RTBDN: variants seen among roughly 807,000 people sequenced by gnomAD.
The protein encoded by RTBDN is retbindin.
Under a neutral mutation model 21.9 loss-of-function variants are expected in RTBDN, and 24 were observed. That is an observed-to-expected ratio of 1.10 (90% confidence interval 0.79 to 1.54). The LOEUF is 1.54. RTBDN is among the 40% of genes most tolerant of loss of function. The pLI is 0.00. For missense variants in RTBDN, 325 were observed against 315.2 expected (o/e 1.03, Z -0.23); for synonymous variants, 141 against 125.9 (o/e 1.12, Z -0.80).
At chr19:12,826,145 G>C (rs770598680) in intron 5 of RTBDN, 44 of 1,389,542 alleles carry the variant, frequency 3.2e-5, no homozygotes, top group Non-Finnish European at 4.0e-5. Flanking sequence ...ATCAGGGTTG[G>C]GGCAGTTGGG....
chr19:12,826,683 A>G, intron 5 of RTBDN, 92 bp downstream of exon 5: 3 of 990,642 alleles, frequency 3.0e-6, no homozygotes, highest in Non-Finnish European at 4.6e-6. Flanking sequence ...GACAAGAATG[A>G]AACTCCGTCT....
Position 12,830,681 on chromosome 19 carries a change from A to G in RTBDN, c.-18-684T>C. 8.1e-6 allele frequency: 8 copies of G among 985,558 alleles called. No individual in the cohort carries two copies. Among genetic ancestry groups the G allele is most frequent in the Non-Finnish European group, 9.6e-6 (8 of 830,052 alleles). The allele number at this position is 985,558 out of a possible 1,614,324, so 61.1% of individuals were successfully genotyped here. A position where few individuals can be genotyped will look rare whatever the true frequency, so the allele number is the denominator to read the frequency against. On this transcript the variant is annotated intron_variant, in intron 1 of 5. Transcript: ENST00000674343. This position sits in a 1 kb window ranked among gnomAD's most constrained non-coding sequence, Gnocchi z 4.2. ...ATCCAGTCCAGGAAACTGGCTGCTGAAAGGGGCGTGGCTTAATGCAGGGGC... is the reference window on the plus strand; with the variant it reads ...ATCCAGTCCAGGAAACTGGCTGCTGGAAGGGGCGTGGCTTAATGCAGGGGC...
Position 12,825,732 on chromosome 19 carries a change from C to T in RTBDN, c.664G>A (p.Gly222Ser), listed in dbSNP as rs374249027. 104 of 1,590,570 alleles carry T rather than the reference C, an allele frequency of 6.5e-5. No individual in the cohort carries two copies. In the African/African-American group the frequency reaches 1.2e-3, roughly 18 times the overall value. Residue 222 changes from glycine to serine, a missense_variant, in exon 6 of 6, where the codon GGC becomes AGC. Gly to Ser is a moderately conservative substitution (Grantham distance 56). Coordinates refer to ENST00000674343, the MANE Select transcript of RTBDN (RefSeq NM_001270441.2). ...SILDAAGSGSGSGSGSGP is the reference protein window; with the variant it reads ...SILDAAGSGSSSGSGSGP ...TAGGGGCCGCTGCCGCTTCCACTGC[C>T]ACTCCCGCTGCCCGCAGCGTCCAGG... is the stretch of plus-strand genomic sequence containing the variant.
chr19:12,827,704 A>T (rs1969370030), intron 4 of RTBDN, among the ~76,000 whole-genome samples: 1 of 152,090 alleles, frequency 6.6e-6, no homozygotes, highest in African/African-American at 2.4e-5. Flanking sequence ...CCTGGCCTCA[A>T]CCAATCCTCC....
intron 4 of RTBDN, among the ~76,000 whole-genome samples, chr19:12,828,395 C>CAAAA (rs1215529511): frequency 8.1e-6 from 1 of 123,322 alleles, no homozygotes; most frequent in African/African-American, 3.3e-5. Flanking sequence ...GACTCCATCT[C>CAAAA]AAAAAAAAAA....
intron 5 of RTBDN, chr19:12,826,231 A>C: frequency 2.3e-6 from 3 of 1,293,696 alleles, no homozygotes; most frequent in Non-Finnish European, 3.0e-6. Flanking sequence ...CCAGGGTAAA[A>C]TGTGGATGGA....
Position 12,830,206 on chromosome 19 carries a change from C to T in RTBDN, c.-18-209G>A. ...GCCCCCCTCCCATCAGAACCATGTC[C>T]TCTATGTCCCTTCAGTGCCACCCCA... On this transcript the variant is annotated intron_variant, in intron 1 of 5. Transcript: ENST00000674343. The surrounding 1 kb of genome is among the most constrained non-coding windows in gnomAD (Gnocchi z 4.2). The T allele has an allele frequency of 7.5e-7, 1 of 1,326,256 alleles. No homozygotes were observed. The highest frequency in any genetic ancestry group is 9.7e-7 in the Non-Finnish European group (1 of 1,028,074). The allele number at this position is 1,326,256 out of a possible 1,614,324, so 82.2% of individuals were successfully genotyped here.
In RTBDN at chr19:12,830,128, G is replaced by T; in HGVS notation, c.-18-131C>A. 7.8e-7 allele frequency: 1 copy of T among 1,288,560 alleles called. No homozygotes were observed. Among genetic ancestry groups the T allele is most frequent in the African/African-American group, 1.5e-5 (1 of 67,076 alleles). The allele number at this position is 1,288,560 out of a possible 1,614,324, so 79.8% of individuals were successfully genotyped here. A position where few individuals can be genotyped will look rare whatever the true frequency, so the allele number is the denominator to read the frequency against. On this transcript the variant is annotated intron_variant, in intron 1 of 5. Coordinates refer to ENST00000674343, the MANE Select transcript of RTBDN (RefSeq NM_001270441.2). This position sits in a 1 kb window ranked among gnomAD's most constrained non-coding sequence, Gnocchi z 4.2. ...AGCTGAGGAGGAGGCTGGGGCAGTGGCCAAGGACGTTCAAATCCCAGGAGA... is the reference window on the plus strand; with the variant it reads ...AGCTGAGGAGGAGGCTGGGGCAGTGTCCAAGGACGTTCAAATCCCAGGAGA...
Position 12,834,051 on chromosome 19 carries a change from C to G in RTBDN, c.-19+438G>C, listed in dbSNP as rs1164378649. The G allele has an allele frequency of 7.5e-6, 3 of 398,432 alleles. No homozygotes were observed. 24.7% of individuals were successfully genotyped at this position (398,432 alleles called of 1,614,324 possible). On this transcript the variant is annotated intron_variant, in intron 1 of 5. Transcript: ENST00000674343. The surrounding 1 kb of genome is among the most constrained non-coding windows in gnomAD (Gnocchi z 4.7). ...CCGGGTGGAGAGGAAGGGGTCGGCG[C>G]CCTGGGGCGGGGCTGGGCAGGAGGC...
chr19:12,825,492 G>A lies in RTBDN; in HGVS notation c.*214C>T. The A allele has an allele frequency of 2.8e-6, 2 of 711,022 alleles. No homozygotes were observed. The highest frequency in any genetic ancestry group is 4.4e-6 in the Non-Finnish European group (2 of 451,012). 44.0% of individuals were successfully genotyped at this position (711,022 alleles called of 1,614,324 possible). ...GCCACACTCGTCACGTGCTCTAGCT[G>A]GCGACTTTATTCAAAGGGGAGAGGG... is the stretch of plus-strand genomic sequence containing the variant. On this transcript the variant is annotated 3_prime_UTR_variant, in exon 6 of 6. Coordinates refer to ENST00000674343, the MANE Select transcript of RTBDN (RefSeq NM_001270441.2).
chr19:12,826,941 A>G, intron 4 of RTBDN, 70 bp from the exon 5 acceptor site: 2 of 1,132,636 alleles, frequency 1.8e-6, no homozygotes, highest in South Asian at 2.7e-5. Context: ...TGGCTCTTCT[A>G]GACTGTGTTC....
upstream of RTBDN, chr19:12,835,221 G>A (rs1468803821): frequency 6.6e-6 from 6 of 906,684 alleles, no homozygotes; most frequent in Non-Finnish European, 9.0e-6. Context: ...GGGTAACGCC[G>A]GAGCCAGACA....
At position 12,826,466 on chromosome 19, in the gene RTBDN, G is replaced by A. The variant is rs1248473154; in HGVS notation, c.462+309C>T. 4 of 1,164,202 alleles carry A rather than the reference G, an allele frequency of 3.4e-6. No individual in the cohort carries two copies. In the South Asian group the frequency reaches 6.2e-5, roughly 18 times the overall value. The allele number at this position is 1,164,202 out of a possible 1,614,324, so 72.1% of individuals were successfully genotyped here. On this transcript the variant is annotated intron_variant, in intron 5 of 5. Transcript: ENST00000674343. ...CCCAACACTTTGGGAGGCCGAGGTGGGCGGATCACCTGAGGTCAGGAGTTC... is the reference window on the plus strand; with the variant it reads ...CCCAACACTTTGGGAGGCCGAGGTGAGCGGATCACCTGAGGTCAGGAGTTC...
chr19:12,834,842 C>G, upstream of RTBDN: 1 of 1,614,190 alleles, frequency 6.2e-7, no homozygotes, highest in Non-Finnish European at 8.5e-7. The surrounding 1 kb of genome is among the most constrained non-coding windows in gnomAD (Gnocchi z 4.7). Flanking sequence ...TCTTCAGCTG[C>G]GTTTCTGAGG....
At position 12,830,838 on chromosome 19, in the gene RTBDN, A is replaced by AGTGT. The variant is rs5827165; in HGVS notation, c.-18-845_-18-842dup. 6.8e-5 allele frequency among the ~76,000 whole-genome samples: 10 copies of AGTGT among 146,910 alleles called. No homozygotes were observed. Among genetic ancestry groups the AGTGT allele is most frequent in the South Asian group, 2.1e-4 (1 of 4,680 alleles). On this transcript the variant is annotated intron_variant, in intron 1 of 5. Transcript: ENST00000674343. This position sits in a 1 kb window ranked among gnomAD's most constrained non-coding sequence, Gnocchi z 4.2. ...AAGCTCTGTATCTATATATGTGGGG[A>AGTGT]GTGTGTGTGTGTGTGTGTGTGTGTA...
chr19:12,835,060 G>A (rs1369236787), upstream of RTBDN: 1 of 1,611,086 alleles, frequency 6.2e-7, no homozygotes. Context: ...TGAATCTTGG[G>A]AAAAGAGGAT....
In RTBDN at chr19:12,830,220, A is replaced by G. The variant is rs1969514522; in HGVS notation, c.-18-223T>C. On this transcript the variant is annotated intron_variant, in intron 1 of 5. Coordinates refer to ENST00000674343, the MANE Select transcript of RTBDN (RefSeq NM_001270441.2). The surrounding 1 kb of genome is among the most constrained non-coding windows in gnomAD (Gnocchi z 4.2). ...AGAACCATGTCCTCTATGTCCCTTCAGTGCCACCCCAACCAAGCTTAGACC... is the reference window on the plus strand; with the variant it reads ...AGAACCATGTCCTCTATGTCCCTTCGGTGCCACCCCAACCAAGCTTAGACC... The G allele has an allele frequency of 2.3e-6, 3 of 1,303,958 alleles. No individual in the cohort carries two copies. The highest frequency in any genetic ancestry group is 2.9e-6 in the Non-Finnish European group (3 of 1,020,710). The allele number at this position is 1,303,958 out of a possible 1,614,324, so 80.8% of individuals were successfully genotyped here. A position where few individuals can be genotyped will look rare whatever the true frequency, so the allele number is the denominator to read the frequency against.
At chr19:12,835,106 C>G, upstream of RTBDN, 6 of 1,612,986 alleles carry the variant, frequency 3.7e-6, no homozygotes, top group Non-Finnish European at 5.1e-6. Flanking sequence ...CATTTCTAGA[C>G]TCCCCTAATC....
chr19:12,826,926 G>T, intron 4 of RTBDN, 55 bp from the exon 5 acceptor site: 1 of 1,254,936 alleles, frequency 8.0e-7, no homozygotes, highest in Non-Finnish European at 1.1e-6. Flanking sequence ...ATTCCAGCGC[G>T]ATTCTGGCTC....
Sources: gnomAD v4.1 joint callset for allele counts (sites outside exome capture counted in the v4.1 genomes callset) on GRCh38, gnomAD v4.1.1 for gene constraint, Gnocchi (gnomAD v3.1) non-coding constraint, MANE v1.5 for transcripts, NCBI Gene and HGNC (gene_info 2026-07-23, HGNC 2026-07-21) for gene names.